Variants in TPO observed in about 807,000 individuals in gnomAD.
TPO encodes thyroid microsomal antigen.
TPO carries 78 observed loss-of-function variants against 96.9 expected under a neutral mutation model. The observed-to-expected ratio is 0.81, with a 90% CI of 0.67 to 0.97. The LOEUF (loss-of-function observed/expected upper bound fraction) is 0.97. TPO is among the 50% of genes least tolerant of loss of function. The pLI, the probability that TPO is intolerant of heterozygous loss-of-function variation, is 0.00. For missense variants in TPO, 1,252 were observed against 1,274.8 expected (o/e 0.98, Z 0.27); for synonymous variants, 547 against 538.0 (o/e 1.02, Z -0.23).
rs1158964709 is a variant in TPO at position 1,524,599 on chromosome 2, C to G, written c.2618+7617C>G. ...ATCCCCCTACTGTGTGTAACCTCCT[C>G]AAATCCGCTCACTGTGTGCAACCTC... On this transcript the variant is annotated intron_variant, in intron 15 of 16. Coordinates refer to ENST00000329066, the MANE Select transcript of TPO (RefSeq NM_001206744.2). Among the ~76,000 whole-genome samples the G allele has an allele frequency of 5.0e-4, 59 of 118,074 alleles. 1 individual carries two copies. The highest frequency in any genetic ancestry group is 1.9e-3 in the African/African-American group (58 of 31,066). 77.5% of individuals were successfully genotyped at this position (118,074 alleles called of 152,430 possible).
intron 7 of TPO, among the ~76,000 whole-genome samples, chr2:1,460,927 A>G (rs1359955159): frequency 6.6e-6 from 1 of 152,082 alleles, no homozygotes; most frequent in Non-Finnish European, 1.5e-5. Context: ...ACCTTTGGGG[A>G]TCTCCTGGAG....
At chr2:1,427,702 C>T (rs991971764) in intron 3 of TPO, among the ~76,000 whole-genome samples, 1 of 152,122 alleles carries the variant, frequency 6.6e-6, no homozygotes, top group African/African-American at 2.4e-5. Flanking sequence ...GACCAGAGGC[C>T]GAGGAACCAA....
intron 14 of TPO, among the ~76,000 whole-genome samples, chr2:1,511,734 C>T (rs956110879): frequency 3.3e-5 from 5 of 152,300 alleles, no homozygotes; most frequent in East Asian, 1.9e-4. Flanking sequence ...CCTTGGGCCA[C>T]GGCCCACAGT....
chr2:1,487,738 CAA>C (rs72230434), intron 9 of TPO, 81 bp from the exon 10 acceptor site: 1,114 of 1,326,726 alleles, frequency 8.4e-4, no homozygotes, highest in South Asian at 2.1e-3. Flanking sequence ...GACTCCGTCT[CAA>C]AAAAAAAAAA....
upstream of TPO, among the ~76,000 whole-genome samples, chr2:1,411,967 C>T (rs969774362): frequency 2.0e-5 from 3 of 152,238 alleles, no homozygotes; most frequent in Non-Finnish European, 2.9e-5. Context: ...GTGCTCTGAG[C>T]TACTCTTGAG....
chr2:1,528,753 G>T (rs1467211279), intron 15 of TPO, among the ~76,000 whole-genome samples: 1 of 95,260 alleles, frequency 1.0e-5, no homozygotes, highest in Non-Finnish European at 1.9e-5. Context: ...CCCCCACACT[G>T]TGTGCAGCCT....
At chr2:1,422,262 T>A (rs1302908751) in intron 2 of TPO, among the ~76,000 whole-genome samples, 2 of 41,120 alleles carry the variant, frequency 4.9e-5, no homozygotes, top group Non-Finnish European at 8.9e-5. Context: ...GGGACGAGCA[T>A]GGAAGGCGCG....
At chr2:1,512,191 G>T (rs963090918) in intron 14 of TPO, among the ~76,000 whole-genome samples, 1 of 152,040 alleles carries the variant, frequency 6.6e-6, no homozygotes, top group African/African-American at 2.4e-5. Flanking sequence ...CCGCCACCAC[G>T]CCCGGCTAAT....
intron 15 of TPO, among the ~76,000 whole-genome samples, chr2:1,530,286 CCGCCAG>C (rs1677788551): frequency 1.7e-5 from 2 of 119,518 alleles, no homozygotes; most frequent in African/African-American, 3.3e-5. Flanking sequence ...CTCAAATCCC[CCGCCAG>C]TGTGAGCAAC....
At chr2:1,417,914 C>T (rs1663086185) in intron 2 of TPO, among the ~76,000 whole-genome samples, 1 of 92,092 alleles carries the variant, frequency 1.1e-5, no homozygotes, top group Admixed American at 1.2e-4. Context: ...ACAGTATCAT[C>T]AGGCCAGTGC....
intron 1 of TPO, among the ~76,000 whole-genome samples, chr2:1,382,332 G>A (rs1661823143): frequency 6.6e-6 from 1 of 152,270 alleles, no homozygotes; most frequent in South Asian, 2.1e-4. Flanking sequence ...ATTCAAGAAT[G>A]TAAGCTTCCT....
chr2:1,518,590 T>C (rs915463038), intron 15 of TPO, among the ~76,000 whole-genome samples: 2 of 152,090 alleles, frequency 1.3e-5, no homozygotes, highest in Non-Finnish European at 2.9e-5. Flanking sequence ...ATTTGATGCA[T>C]GAGCTTATGA....
chr2:1,539,827 T>TGACC (rs1680513124), intron 15 of TPO, among the ~76,000 whole-genome samples: 1 of 129,242 alleles, frequency 7.7e-6, no homozygotes, highest in Non-Finnish European at 1.5e-5. Flanking sequence ...CAGGGATGAA[T>TGACC]GACCACCAAG....
rs765985699 is a variant in TPO at position 1,487,850 on chromosome 2, C to G, written c.1627C>G (p.Leu543Val). 6 of 1,614,120 alleles carry G rather than the reference C, an allele frequency of 3.7e-6. No homozygotes were observed. The Admixed American group carries it at 1.0e-4, about 27-fold the overall frequency. ...GGLDPLIRGL[L>V]ARPAKLQVQD... ...TTTGGACCCACTAATACGAGGCCTT[C>G]TTGCAAGACCAGCCAAACTGCAGGT... The change falls in exon 10 of 17, where the codon CTT becomes GTT. Residue 543 changes from leucine (L) to valine (V), a missense_variant. Physicochemically the swap from Leu to Val is conservative, Grantham distance 32. Transcript: ENST00000329066.
At chr2:1,490,752 G>T (rs1054931621) in intron 10 of TPO, among the ~76,000 whole-genome samples, 1 of 152,224 alleles carries the variant, frequency 6.6e-6, no homozygotes, top group Non-Finnish European at 1.5e-5. Context: ...TTCGATCTGA[G>T]GATAAATCAG....
chr2:1,402,277 G>A (rs1424036402), intron 1 of TPO, among the ~76,000 whole-genome samples: 1 of 152,216 alleles, frequency 6.6e-6, no homozygotes, highest in African/African-American at 2.4e-5. Flanking sequence ...GACTCTGGGG[G>A]CAGATAGTGA....
chr2:1,449,719 G>A (rs2045158712), intron 5 of TPO, among the ~76,000 whole-genome samples: 1 of 152,182 alleles, frequency 6.6e-6, no homozygotes, highest in Non-Finnish European at 1.5e-5. Context: ...TGACCTTGGT[G>A]TCTTATGAAA....
intron 14 of TPO, among the ~76,000 whole-genome samples, chr2:1,508,573 G>T (rs1673730556): frequency 6.6e-6 from 1 of 152,090 alleles, no homozygotes; most frequent in Non-Finnish European, 1.5e-5. Context: ...GCCTGTTATT[G>T]GTCTATTCAG....
intron 1 of TPO, among the ~76,000 whole-genome samples, chr2:1,401,328 A>C (rs190148604): frequency 1.1e-3 from 166 of 152,368 alleles, no homozygotes; most frequent in African/African-American, 3.8e-3. Context: ...GTGACCTCTC[A>C]GATGGATGGG....
Sources: allele counts gnomAD v4.1 joint callset (sites outside exome capture counted in the v4.1 genomes callset), GRCh38; gene constraint gnomAD v4.1.1; transcripts MANE v1.5; gene names NCBI Gene and HGNC (gene_info 2026-07-23, HGNC 2026-07-21).